The following MACROD2 variants were observed in gnomAD, a reference collection of about 807,000 sequenced individuals.
The protein encoded by MACROD2 is ADP-ribose glycohydrolase MACROD2.
Under a neutral mutation model 70.4 loss-of-function variants are expected in MACROD2, and 36 were observed. That is an observed-to-expected ratio of 0.51 (90% confidence interval 0.39 to 0.68). The LOEUF (loss-of-function observed/expected upper bound fraction) is 0.68, where lower values mean the gene tolerates loss of function less well. Ranked by LOEUF, MACROD2 falls within the 30% of genes least tolerant of loss-of-function variation. The pLI is 0.00. For missense variants in MACROD2, 496 were observed against 538.4 expected, an observed-to-expected ratio of 0.92 and a Z score of 0.78; for synonymous variants, 172 against 178.8, an observed-to-expected ratio of 0.96 and a Z score of 0.30.
At chr20:14,072,865 CAG>C (rs1239161916) in intron 2 of MACROD2, among the ~76,000 whole-genome samples, 1 of 149,166 alleles carries the variant, frequency 6.7e-6, no homozygotes, top group Non-Finnish European at 1.5e-5. Flanking sequence ...ACCCAGGAGG[CAG>C]AGCTTGCAGT....
chr20:14,931,037 G>A (rs11087114), intron 5 of MACROD2, among the ~76,000 whole-genome samples: 20,536 of 151,826 alleles, frequency 0.14, 1,844 homozygotes, highest in East Asian at 0.36. Flanking sequence ...TACCTACCAA[G>A]TCCCAGGCAC....
At chr20:15,844,276 A>G (rs1441416705) in intron 8 of MACROD2, among the ~76,000 whole-genome samples, 1 of 152,076 alleles carries the variant, frequency 6.6e-6, no homozygotes, top group Non-Finnish European at 1.5e-5. Context: ...TAATATAATT[A>G]TGAACTCCCT....
intron 4 of MACROD2, among the ~76,000 whole-genome samples, chr20:14,510,630 A>C (rs905236860): frequency 6.6e-6 from 1 of 152,066 alleles, no homozygotes; most frequent in Non-Finnish European, 1.5e-5. Context: ...GATTGTGTTT[A>C]TGGAAGAAGA....
At chr20:14,169,378 C>T (rs2081199327) in intron 3 of MACROD2, among the ~76,000 whole-genome samples, 1 of 152,096 alleles carries the variant, frequency 6.6e-6, no homozygotes, top group African/African-American at 2.4e-5. Flanking sequence ...GATCTTGGCT[C>T]ACTGCAACCT....
intron 8 of MACROD2, among the ~76,000 whole-genome samples, chr20:15,841,045 T>G (rs2064164480): frequency 6.6e-6 from 1 of 152,202 alleles, no homozygotes; most frequent in Non-Finnish European, 1.5e-5. Flanking sequence ...CTCAAAGCAT[T>G]CCATCCTTGC....
At chr20:15,536,467 G>C (rs2146557485) in intron 8 of MACROD2, among the ~76,000 whole-genome samples, 1 of 152,278 alleles carries the variant, frequency 6.6e-6, no homozygotes, top group East Asian at 1.9e-4. Flanking sequence ...AAAGGCCTCA[G>C]TGCTGATTAA....
chr20:14,322,202 T>TATATATATA lies in MACROD2; in HGVS notation c.272-171277_272-171276insATATATATA, dbSNP rs1568553958. Among the ~76,000 whole-genome samples the TATATATATA allele has an allele frequency of 5.6e-4, 30 of 53,740 alleles. No homozygotes were observed. The East Asian group carries it at 9.5e-3, about 17-fold the overall frequency. 35.3% of individuals were successfully genotyped at this position (53,740 alleles called of 152,430 possible). A position where few individuals can be genotyped will look rare whatever the true frequency, so the allele number is the denominator to read the frequency against. On this transcript the variant is annotated intron_variant, in intron 3 of 17. Transcript: ENST00000684519. ...TATATATATATATATATATATATAT[T>TATATATATA]TTGTATTTTGCAAAGCAACTGGATT... is the stretch of plus-strand genomic sequence containing the variant.
intron 3 of MACROD2, among the ~76,000 whole-genome samples, chr20:14,482,555 G>A (rs1466264315): frequency 6.6e-6 from 1 of 151,610 alleles, no homozygotes; most frequent in Non-Finnish European, 1.5e-5. Flanking sequence ...TGAATGCAGA[G>A]CCAGGTCAGC....
intron 2 of MACROD2, among the ~76,000 whole-genome samples, chr20:14,079,783 G>A (rs895800033): frequency 5.3e-5 from 8 of 152,316 alleles, no homozygotes; most frequent in East Asian, 1.9e-4. Context: ...ACTTTATGGA[G>A]TCAATGCTTA....
intron 5 of MACROD2, among the ~76,000 whole-genome samples, chr20:15,190,586 T>C (rs754121634): frequency 1.3e-5 from 2 of 152,224 alleles, no homozygotes; most frequent in Non-Finnish European, 2.9e-5. Flanking sequence ...ATTCAGGTAT[T>C]ATGAGGCCAA....
chr20:14,561,412 G>A (rs972884331), intron 4 of MACROD2, among the ~76,000 whole-genome samples: 1 of 151,782 alleles, frequency 6.6e-6, no homozygotes, highest in African/African-American at 2.4e-5. Flanking sequence ...GAAATAATTT[G>A]TGAAATACCT....
chr20:15,520,528 C>T (rs1364738497), intron 8 of MACROD2, among the ~76,000 whole-genome samples: 4 of 133,406 alleles, frequency 3.0e-5, no homozygotes, highest in East Asian at 2.0e-4. Flanking sequence ...ACATTTGTCA[C>T]CCCTATGTTT....
chr20:15,441,751 G>C (rs943089505), intron 7 of MACROD2, among the ~76,000 whole-genome samples: 2 of 152,118 alleles, frequency 1.3e-5, no homozygotes, highest in African/African-American at 2.4e-5. Context: ...AGCCTGGAAG[G>C]CATCACTGAA....
At chr20:15,422,710 G>T in intron 6 of MACROD2, among the ~76,000 whole-genome samples, 1 of 152,184 alleles carries the variant, frequency 6.6e-6, no homozygotes, top group Non-Finnish European at 1.5e-5. Flanking sequence ...CTATAAAATT[G>T]CCTGTCTCTC....
At chr20:15,465,739 C>T (rs560947338) in intron 7 of MACROD2, among the ~76,000 whole-genome samples, 1 of 152,332 alleles carries the variant, frequency 6.6e-6, no homozygotes, top group South Asian at 2.1e-4. Flanking sequence ...ATTTCATCAA[C>T]ATCCAAAGAC....
chr20:15,728,667 T>C (rs568263010), intron 8 of MACROD2, among the ~76,000 whole-genome samples: 1 of 152,298 alleles, frequency 6.6e-6, no homozygotes, highest in African/African-American at 2.4e-5. Flanking sequence ...TTCTTCTAGG[T>C]TTTCTACTTT....
At chr20:15,894,190 C>T (rs2064934506) in intron 10 of MACROD2, among the ~76,000 whole-genome samples, 1 of 152,204 alleles carries the variant, frequency 6.6e-6, no homozygotes, top group East Asian at 1.9e-4. Context: ...TGCACAGTAT[C>T]CCTGTTGAGT....
intron 5 of MACROD2, among the ~76,000 whole-genome samples, chr20:14,746,596 C>T (rs1388459931): frequency 6.6e-6 from 1 of 152,008 alleles, no homozygotes; most frequent in Non-Finnish European, 1.5e-5. Flanking sequence ...CATTCTATTG[C>T]CTTCATGCTT....
At chr20:14,754,822 A>G (rs999645257) in intron 5 of MACROD2, among the ~76,000 whole-genome samples, 1 of 148,670 alleles carries the variant, frequency 6.7e-6, no homozygotes, top group Non-Finnish European at 1.5e-5. Context: ...AGGAATACCA[A>G]GGGGATAGTG....
Sources: gnomAD v4.1 joint callset for allele counts (sites outside exome capture counted in the v4.1 genomes callset) on GRCh38, gnomAD v4.1.1 for gene constraint, MANE v1.5 for transcripts, NCBI Gene and HGNC (gene_info 2026-07-23, HGNC 2026-07-21) for gene names.